SPTBN1: variants seen among roughly 807,000 people sequenced by gnomAD.
SPTBN1 encodes the protein spectrin beta, non-erythrocytic 1, also known as spectrin beta chain, non-erythrocytic 1.
SPTBN1 carries 32 observed loss-of-function variants against 266.4 expected under a neutral mutation model. The observed-to-expected ratio is 0.12, with a 90% CI of 0.09 to 0.16. SPTBN1 has a LOEUF of 0.16. Ranked by LOEUF, SPTBN1 falls within the 10% of genes least tolerant of loss-of-function variation. The pLI, the probability that SPTBN1 is intolerant of heterozygous loss-of-function variation, is 1.00. For synonymous variants in SPTBN1, 1,336 were observed against 1,162.2 expected, an observed-to-expected ratio of 1.15 and a Z score of -3.04; for missense variants, 2,296 against 3,067.1, an observed-to-expected ratio of 0.75 and a Z score of 5.94.
intron 1 of SPTBN1, among the ~76,000 whole-genome samples, chr2:54,465,001 A>AT (rs1693554905): frequency 6.6e-6 from 1 of 152,196 alleles, no homozygotes; most frequent in Non-Finnish European, 1.5e-5. Flanking sequence ...CTTGGGCACC[A>AT]TTTTTTAATA....
chr2:54,635,391 C>T (rs1309639012), intron 17 of SPTBN1, among the ~76,000 whole-genome samples: 2 of 152,204 alleles, frequency 1.3e-5, no homozygotes, highest in Non-Finnish European at 1.5e-5. Context: ...TCACACCACA[C>T]GAAGGCCGTT....
chr2:54,667,581 A>G, intron 34 of SPTBN1, 23 bp from the exon 35 acceptor site: 3 of 1,612,330 alleles, frequency 1.9e-6, no homozygotes, highest in Non-Finnish European at 2.5e-6. Context: ...AGTGGTGACT[A>G]ACTTTCTTCC....
chr2:54,621,994 C>G (rs936838201), intron 8 of SPTBN1, among the ~76,000 whole-genome samples: 1 of 152,224 alleles, frequency 6.6e-6, no homozygotes, highest in Admixed American at 6.5e-5. Flanking sequence ...TTTTGTTTCT[C>G]TAGGGATTTC....
intron 18 of SPTBN1, among the ~76,000 whole-genome samples, chr2:54,639,765 C>T (rs1337941094): frequency 1.3e-5 from 2 of 152,242 alleles, no homozygotes; most frequent in African/African-American, 2.4e-5. Flanking sequence ...CCTCCACACA[C>T]ACCTTGGCTG....
chr2:54,658,800 TTGTC>T (rs965166586), intron 30 of SPTBN1, among the ~76,000 whole-genome samples: 2 of 152,198 alleles, frequency 1.3e-5, no homozygotes. Flanking sequence ...TCCCTGGTGT[TTGTC>T]TGAGCTCTCC....
chr2:54,563,486 T>C (rs1368261367), intron 2 of SPTBN1, among the ~76,000 whole-genome samples: 1 of 152,164 alleles, frequency 6.6e-6, no homozygotes, highest in African/African-American at 2.4e-5. Context: ...ACCAAGTTTA[T>C]TACGTATTGA....
At chr2:54,458,044 C>T (rs1297620616) in intron 1 of SPTBN1, among the ~76,000 whole-genome samples, 1 of 152,214 alleles carries the variant, frequency 6.6e-6, no homozygotes, top group East Asian at 1.9e-4. Context: ...CAGCGTTTTT[C>T]TGTGGATCGT....
At chr2:54,564,450 T>TC (rs1384672866) in intron 2 of SPTBN1, among the ~76,000 whole-genome samples, 1 of 152,124 alleles carries the variant, frequency 6.6e-6, no homozygotes, top group Non-Finnish European at 1.5e-5. Flanking sequence ...TCCTAAAGTG[T>TC]CCCCATGCAG....
chr2:54,653,757 A>T lies in SPTBN1; in HGVS notation c.5726A>T (p.Asp1909Val), dbSNP rs760476696. The change falls in exon 27 of 36, where the codon GAC becomes GTC. Residue 1909 changes from aspartate to valine, a missense_variant. By Grantham distance (152) the Asp-to-Val change is radical. Transcript: ENST00000356805. This position sits in a 1 kb window ranked among gnomAD's most constrained non-coding sequence, Gnocchi z 5.1. ...ACESRRVRLVDTGDKFRFFSM... is the reference protein window; with the variant it reads ...ACESRRVRLVVTGDKFRFFSM... ...GAGAGCCGCAGGGTGCGGCTGGTGG[A>T]CACAGGGGACAAGTTCCGCTTCTTC... The T allele has an allele frequency of 6.2e-7, 1 of 1,614,174 alleles. No homozygotes were observed. The highest frequency in any genetic ancestry group is 8.5e-7 in the Non-Finnish European group (1 of 1,180,032).
intron 16 of SPTBN1, 94 bp downstream of exon 16, chr2:54,631,705 C>A: frequency 6.9e-7 from 1 of 1,450,854 alleles, no homozygotes; most frequent in Non-Finnish European, 9.3e-7. Flanking sequence ...TTAAACCACA[C>A]CTGTATGGAA....
At position 54,648,939 on chromosome 2, in the gene SPTBN1, T is replaced by G. The variant is rs142937034; in HGVS notation, c.4998-47T>G. The stretch of plus-strand genomic sequence containing the variant: ...CATTTGTTTTTCCCCTGAAGAAACT[T>G]GACATTTAAGATCCTTTTTCTCCCC... On this transcript the variant is annotated intron_variant, in intron 24 of 35. Coordinates refer to ENST00000356805, the MANE Select transcript of SPTBN1 (RefSeq NM_003128.3). 950 of 1,501,138 alleles carry G rather than the reference T, an allele frequency of 6.3e-4. 9 individuals are homozygous for G. The East Asian group carries it at 0.021, about 33-fold the overall frequency. The allele number at this position is 1,501,138 out of a possible 1,614,324, so 93.0% of individuals were successfully genotyped here.
chr2:54,571,560 CACACACACACACACAT>C (rs1480362954), intron 2 of SPTBN1, among the ~76,000 whole-genome samples: 3,678 of 73,016 alleles, frequency 0.05, 140 homozygotes, highest in African/African-American at 0.18. Flanking sequence ...CACACACACA[CACACACACACACACAT>C]ACACACACAC....
Position 54,664,394 on chromosome 2 carries a change from G to T in SPTBN1, c.6421-59G>T, listed in dbSNP as rs200782767. The T allele has an allele frequency of 6.5e-7, 1 of 1,528,626 alleles. No homozygotes were observed. The highest frequency in any genetic ancestry group is 9.0e-7 in the Non-Finnish European group (1 of 1,114,292). The allele number at this position is 1,528,626 out of a possible 1,614,324, so 94.7% of individuals were successfully genotyped here. ...GCCACATGTGCGAGTCAGGTAGAGC[G>T]TATGTGGTCACCCCCATGGCTCACG... On this transcript the variant is annotated intron_variant, in intron 32 of 35. Coordinates refer to ENST00000356805, the MANE Select transcript of SPTBN1 (RefSeq NM_003128.3). The surrounding 1 kb of genome is among the most constrained non-coding windows in gnomAD (Gnocchi z 5.6).
At chr2:54,564,860 TC>T (rs1156699197) in intron 2 of SPTBN1, among the ~76,000 whole-genome samples, 1 of 152,210 alleles carries the variant, frequency 6.6e-6, no homozygotes, top group Non-Finnish European at 1.5e-5. Context: ...CTTTTTGTTT[TC>T]CCTGTATTTC....
chr2:54,494,776 T>C (rs1043975738), intron 1 of SPTBN1, among the ~76,000 whole-genome samples: 8 of 152,138 alleles, frequency 5.3e-5, no homozygotes, highest in Non-Finnish European at 8.8e-5. Context: ...CAAAGAGGCA[T>C]GGGAAACTTA....
At chr2:54,546,301 C>G (rs535745436) in intron 2 of SPTBN1, among the ~76,000 whole-genome samples, 1 of 152,296 alleles carries the variant, frequency 6.6e-6, no homozygotes, top group African/African-American at 2.4e-5. Flanking sequence ...TGTTCTTTAG[C>G]TGGCTGGGCA....
At chr2:54,493,926 C>T (rs1668824299) in intron 1 of SPTBN1, among the ~76,000 whole-genome samples, 1 of 152,178 alleles carries the variant, frequency 6.6e-6, no homozygotes, top group Non-Finnish European at 1.5e-5. Flanking sequence ...CCCAAAGTCA[C>T]GTGAGTGGGT....
chr2:54,661,079 CTG>C (rs1252030082), intron 32 of SPTBN1: 64 of 985,290 alleles, frequency 6.5e-5, no homozygotes, highest in Non-Finnish European at 7.5e-5. Context: ...GTCAGTGTCT[CTG>C]TAGACAAACT....
intron 1 of SPTBN1, among the ~76,000 whole-genome samples, chr2:54,487,372 G>A (rs1668455405): frequency 6.7e-6 from 1 of 148,488 alleles, no homozygotes; most frequent in African/African-American, 2.5e-5. Flanking sequence ...CCTTTGATGT[G>A]TACTTGTTTG....
Sources: gnomAD v4.1 joint callset for allele counts (sites outside exome capture counted in the v4.1 genomes callset) on GRCh38, gnomAD v4.1.1 for gene constraint, Gnocchi (gnomAD v3.1) non-coding constraint, MANE v1.5 for transcripts, NCBI Gene and HGNC (gene_info 2026-07-23, HGNC 2026-07-21) for gene names.